DPP10: variants seen among roughly 807,000 people sequenced by gnomAD.
DPP10 encodes dipeptidyl peptidase like 10, also known as inactive dipeptidyl peptidase 10.
A neutral mutation model predicts 120.9 loss-of-function variants in DPP10; 33 were observed. The ratio of observed to expected loss-of-function variants is 0.27; its 90% CI spans 0.21 to 0.37. DPP10 has a LOEUF of 0.37. DPP10 is among the 10% of genes least tolerant of loss of function. The probability of loss-of-function intolerance (pLI) is 1.00; values close to 1 mark genes in which losing one functional copy is unlikely to be tolerated. For synonymous variants in DPP10, 337 were observed against 326.1 expected (o/e 1.03, Z -0.36); for missense variants, 816 against 942.8 (o/e 0.87, Z 1.76).
At chr2:115,504,354 T>A (rs1359508710) in intron 4 of DPP10, among the ~76,000 whole-genome samples, 1 of 150,470 alleles carries the variant, frequency 6.6e-6, no homozygotes, top group East Asian at 2.0e-4. Flanking sequence ...TACTGGGGAC[T>A]CCAGTCAGCA....
At chr2:115,740,037 C>T in intron 9 of DPP10, 144 bp downstream of exon 9, 1 of 844,868 alleles carries the variant, frequency 1.2e-6, no homozygotes, top group Non-Finnish European at 1.9e-6. Flanking sequence ...CTTTCGATCT[C>T]CCAGTAGTCT....
intron 1 of DPP10, among the ~76,000 whole-genome samples, chr2:115,266,750 G>T (rs1211725731): frequency 6.6e-6 from 1 of 152,142 alleles, no homozygotes; most frequent in Non-Finnish European, 1.5e-5. Flanking sequence ...CAACTTTTAT[G>T]TACTGAGAAA....
intron 1 of DPP10, among the ~76,000 whole-genome samples, chr2:114,779,031 T>TA (rs1451266770): frequency 1.3e-5 from 2 of 152,098 alleles, no homozygotes; most frequent in African/African-American, 4.8e-5. Flanking sequence ...TTCATGGTCT[T>TA]AAGCTTTACA....
chr2:114,678,628 C>T (rs989261563), intron 1 of DPP10, among the ~76,000 whole-genome samples: 1 of 151,838 alleles, frequency 6.6e-6, no homozygotes, highest in Non-Finnish European at 1.5e-5. Flanking sequence ...TGAGGGCAAC[C>T]ATTATTTTTT....
chr2:115,400,572 T>A (rs2067999287), intron 3 of DPP10, among the ~76,000 whole-genome samples: 1 of 152,114 alleles, frequency 6.6e-6, no homozygotes, highest in South Asian at 2.1e-4. Context: ...TAAGTCCAGA[T>A]GCTTCCTGAC....
intron 1 of DPP10, among the ~76,000 whole-genome samples, chr2:115,017,179 C>T (rs1333331410): frequency 6.7e-6 from 1 of 149,318 alleles, no homozygotes; most frequent in Non-Finnish European, 1.5e-5. Context: ...GCACATTGTG[C>T]ACATGTACCC....
At chr2:115,211,938 C>G (rs2056541123) in intron 1 of DPP10, among the ~76,000 whole-genome samples, 1 of 152,008 alleles carries the variant, frequency 6.6e-6, no homozygotes, top group Non-Finnish European at 1.5e-5. Context: ...CTGTTTAGCT[C>G]CTTATGCAAA....
chr2:115,109,304 G>A (rs1391676405), intron 1 of DPP10, among the ~76,000 whole-genome samples: 1 of 152,122 alleles, frequency 6.6e-6, no homozygotes, highest in African/African-American at 2.4e-5. Flanking sequence ...TTGGGAGGCC[G>A]AGGTGGGCAG....
At chr2:115,270,309 T>C (rs971004592) in intron 1 of DPP10, among the ~76,000 whole-genome samples, 3 of 151,946 alleles carry the variant, frequency 2.0e-5, no homozygotes, top group African/African-American at 7.3e-5. Flanking sequence ...TTATTACTCA[T>C]GAGTCCACGA....
chr2:114,917,178 T>G (rs1694869805), intron 1 of DPP10, among the ~76,000 whole-genome samples: 2 of 152,054 alleles, frequency 1.3e-5, no homozygotes, highest in South Asian at 2.1e-4. Flanking sequence ...ACCAATAATG[T>G]CCAAGCTGAC....
chr2:115,453,440 C>T (rs769199621), intron 3 of DPP10, among the ~76,000 whole-genome samples: 3 of 151,144 alleles, frequency 2.0e-5, no homozygotes, highest in Non-Finnish European at 4.4e-5. Flanking sequence ...ATGATTTTTC[C>T]TTATGAATGA....
chr2:115,786,577 A>G (rs1037353292), intron 17 of DPP10, among the ~76,000 whole-genome samples: 7 of 152,320 alleles, frequency 4.6e-5, no homozygotes, highest in Non-Finnish European at 7.3e-5. Flanking sequence ...ACATTCAACA[A>G]TAGCCAGCAT....
intron 1 of DPP10, among the ~76,000 whole-genome samples, chr2:114,640,228 C>T (rs1322920768): frequency 6.6e-6 from 1 of 151,860 alleles, no homozygotes; most frequent in African/African-American, 2.4e-5. Context: ...CAGATGGGTG[C>T]TGGGCTTGCT....
chr2:114,956,129 CA>C (rs1451766071), intron 1 of DPP10, among the ~76,000 whole-genome samples: 1 of 151,920 alleles, frequency 6.6e-6, no homozygotes, highest in East Asian at 1.9e-4. Flanking sequence ...AAAAAACATT[CA>C]AAAAGGAAAA....
chr2:115,101,300 A>G (rs2048682737), intron 1 of DPP10, among the ~76,000 whole-genome samples: 1 of 152,126 alleles, frequency 6.6e-6, no homozygotes, highest in African/African-American at 2.4e-5. Context: ...CATGATGGAA[A>G]TATCTGGTTA....
intron 8 of DPP10, among the ~76,000 whole-genome samples, chr2:115,732,792 C>A (rs1399093174): frequency 2.0e-5 from 3 of 152,116 alleles, no homozygotes; most frequent in South Asian, 2.1e-4. Context: ...TATTTTAGAA[C>A]CTTGTATATT....
At chr2:115,270,402 A>G (rs1168562981) in intron 1 of DPP10, among the ~76,000 whole-genome samples, 1 of 151,482 alleles carries the variant, frequency 6.6e-6, no homozygotes, top group South Asian at 2.1e-4. Context: ...GCAGATAGAA[A>G]GAGGACCTGT....
chr2:115,238,931 G>A (rs2058132158), intron 1 of DPP10, among the ~76,000 whole-genome samples: 2 of 152,138 alleles, frequency 1.3e-5, no homozygotes. Flanking sequence ...AAGGAAGCCA[G>A]TCCAAGTCCC....
intron 1 of DPP10, among the ~76,000 whole-genome samples, chr2:114,722,514 C>A (rs755184408): frequency 1.3e-5 from 2 of 151,994 alleles, no homozygotes; most frequent in African/African-American, 2.4e-5. Context: ...CGGTGGCTCA[C>A]GCCTGTAATC....
Sources: gnomAD v4.1 joint callset for allele counts (sites outside exome capture counted in the v4.1 genomes callset) on GRCh38, gnomAD v4.1.1 for gene constraint, MANE v1.5 for transcripts, NCBI Gene and HGNC (gene_info 2026-07-23, HGNC 2026-07-21) for gene names.